The following DPY19L2 variants were observed in gnomAD, a reference collection of about 807,000 sequenced individuals.
The protein encoded by DPY19L2 is dpy-19 like 2.
In DPY19L2, 34 loss-of-function variants were observed where a neutral mutation model predicts 97.9. The observed-to-expected ratio is 0.35, with a 90% CI of 0.26 to 0.46. The LOEUF (loss-of-function observed/expected upper bound fraction) is 0.46. DPY19L2 is among the 20% of genes least tolerant of loss of function. DPY19L2 has a pLI of 1.00. For synonymous variants in DPY19L2, 230 were observed against 307.9 expected, an observed-to-expected ratio of 0.75 and a Z score of 2.65; for missense variants, 623 against 911.4, an observed-to-expected ratio of 0.68 and a Z score of 4.07.
intron 16 of DPY19L2, among the ~76,000 whole-genome samples, chr12:63,592,009 G>GGGAGT (rs1883094955): frequency 1.4e-4 from 1 of 7,124 alleles, no homozygotes; most frequent in Non-Finnish European, 3.3e-4. Flanking sequence ...GGGAAGGGAG[G>GGGAGT]GGAGGGGAGG....
intron 6 of DPY19L2, among the ~76,000 whole-genome samples, chr12:63,632,150 G>A (rs2137955349): frequency 6.6e-6 from 1 of 152,226 alleles, no homozygotes; most frequent in East Asian, 1.9e-4. Context: ...TTTGAAAACT[G>A]GCACAAGACA....
intron 14 of DPY19L2, among the ~76,000 whole-genome samples, chr12:63,597,478 T>C (rs1443834799): frequency 6.6e-6 from 1 of 151,998 alleles, no homozygotes; most frequent in Admixed American, 6.6e-5. Flanking sequence ...GAATTTAGAC[T>C]TTTTCCTGAA....
intron 16 of DPY19L2, among the ~76,000 whole-genome samples, 158 bp downstream of exon 16, chr12:63,593,929 G>T (rs1883642861): frequency 6.6e-6 from 1 of 151,994 alleles, no homozygotes; most frequent in African/African-American, 2.4e-5. Flanking sequence ...AAATCTGTAA[G>T]AATAATATTT....
At chr12:63,628,761 C>G (rs1592635280) in intron 6 of DPY19L2, among the ~76,000 whole-genome samples, 1 of 151,178 alleles carries the variant, frequency 6.6e-6, no homozygotes, top group Non-Finnish European at 1.5e-5. Context: ...AACAGACAGG[C>G]TGCCTGCTCA....
At chr12:63,562,780 G>T (rs1876836647) in intron 21 of DPY19L2, among the ~76,000 whole-genome samples, 1 of 146,176 alleles carries the variant, frequency 6.8e-6, no homozygotes, top group African/African-American at 2.5e-5. Flanking sequence ...GTGATTATTT[G>T]CCATCTGTCC....
chr12:63,582,505 C>G lies in DPY19L2; in HGVS notation c.1626G>C (p.Gln542His). The G allele has an allele frequency of 6.2e-7, 1 of 1,611,174 alleles. No homozygotes were observed. The highest frequency in any genetic ancestry group is 8.5e-7 in the Non-Finnish European group (1 of 1,178,984). Reference sequence around the variant, plus strand: ...TGGCAAGGGCAGTAAACACTAACAACTGCAATGTGTGAAAAGCCAGCTATA... The same window carrying G: ...TGGCAAGGGCAGTAAACACTAACAAGTGCAATGTGTGAAAAGCCAGCTATA... Reference protein sequence around the residue: ...EHSELAFHTLQLLVFTALAIL... With the variant: ...EHSELAFHTLHLLVFTALAIL... The change falls in exon 18 of 22, where the codon CAG (glutamine) becomes CAC (histidine). Residue 542 changes from glutamine (Q) to histidine (H), a missense_variant. Physicochemically the swap from Gln to His is conservative, Grantham distance 24. Around this residue, in one of 6 missense-constraint regions of DPY19L2, gnomAD observed 294 missense variants for 446.2 expected, o/e 0.66. Transcript: ENST00000324472.
chr12:63,650,410 C>A (rs1444089632), intron 4 of DPY19L2, among the ~76,000 whole-genome samples: 1 of 151,976 alleles, frequency 6.6e-6, no homozygotes, highest in Admixed American at 6.5e-5. Flanking sequence ...AATTTTATAC[C>A]TAGAAAGCCC....
In DPY19L2 at chr12:63,580,818, G is replaced by A. The variant is rs199875016; in HGVS notation, c.1744C>T (p.Arg582Cys). 17 of 1,611,572 alleles carry A rather than the reference G, an allele frequency of 1.1e-5. No individual in the cohort carries two copies. The highest frequency in any genetic ancestry group is 2.2e-5 in the East Asian group (1 of 44,842). ...CSRQLFGWLFRRVRFEKVIFG... is the reference protein window; with the variant it reads ...CSRQLFGWLFCRVRFEKVIFG... ...ATAACCTTCTCAAAACGAACTCTGC[G>A]AAAAAGCCAGCCAAAGAGCTGAAAC... Residue 582 changes from arginine (R) to cysteine (C), a missense_variant, in exon 19 of 22, where the codon CGC (arginine) becomes TGC (cysteine). Physicochemically the swap from Arg to Cys is radical, Grantham distance 180 (BLOSUM62 -3). Coordinates refer to ENST00000324472, the MANE Select transcript of DPY19L2 (RefSeq NM_173812.5).
chr12:63,584,594 C>T lies in DPY19L2; in HGVS notation c.1581-758G>A, dbSNP rs546373389. Among the ~76,000 whole-genome samples, 279 of 152,312 alleles carry T rather than the reference C, an allele frequency of 1.8e-3. 1 individual carries two copies. The highest frequency in any genetic ancestry group is 3.4e-3 in the Middle Eastern group (1 of 294). ...ATCCTACCTGGGATATGACTCACCC[C>T]TTTGTCCAGCATATCCATGCTCTAT... On this transcript the variant is annotated intron_variant, in intron 16 of 21. Coordinates refer to ENST00000324472, the MANE Select transcript of DPY19L2 (RefSeq NM_173812.5).
intron 11 of DPY19L2, among the ~76,000 whole-genome samples, chr12:63,615,519 CAAAG>C (rs1404079410): frequency 2.6e-5 from 4 of 152,228 alleles, no homozygotes; most frequent in Admixed American, 2.0e-4. Context: ...TACCATGAGA[CAAAG>C]GAACATGCTT....
chr12:63,635,411 A>T (rs1173383138), intron 6 of DPY19L2, among the ~76,000 whole-genome samples: 1 of 152,174 alleles, frequency 6.6e-6, no homozygotes. Context: ...CTTGCCAGCA[A>T]CAGAGCAAAG....
chr12:63,609,408 T>C (rs1416248833), intron 11 of DPY19L2, among the ~76,000 whole-genome samples: 5 of 152,098 alleles, frequency 3.3e-5, no homozygotes, highest in Non-Finnish European at 1.5e-5. Flanking sequence ...TGATAGTGTT[T>C]GGAGGGTGGG....
intron 15 of DPY19L2, among the ~76,000 whole-genome samples, chr12:63,595,157 T>C (rs1883997752): frequency 6.6e-6 from 1 of 152,196 alleles, no homozygotes. Context: ...ATAGAGAAGA[T>C]ATGCAATTTG....
chr12:63,588,759 T>G (rs1326430946), intron 16 of DPY19L2, among the ~76,000 whole-genome samples: 7 of 148,338 alleles, frequency 4.7e-5, no homozygotes, highest in Admixed American at 6.7e-5. Flanking sequence ...TTTTTTTTTT[T>G]TTTTTGTTTT....
intron 5 of DPY19L2, among the ~76,000 whole-genome samples, chr12:63,645,879 T>C (rs1893345336): frequency 6.6e-6 from 1 of 152,092 alleles, no homozygotes; most frequent in African/African-American, 2.4e-5. Flanking sequence ...TGTTTTAAAA[T>C]GGAACTCTGT....
chr12:63,604,769 G>C (rs1317298922), intron 12 of DPY19L2, among the ~76,000 whole-genome samples: 1 of 151,924 alleles, frequency 6.6e-6, no homozygotes, highest in Non-Finnish European at 1.5e-5. Flanking sequence ...ACTGCTCATT[G>C]AAGTGTTTTT....
intron 7 of DPY19L2, among the ~76,000 whole-genome samples, chr12:63,625,035 T>C (rs1399232872): frequency 2.0e-5 from 3 of 152,192 alleles, no homozygotes; most frequent in African/African-American, 7.2e-5. Flanking sequence ...AAGGATTTTA[T>C]GTATAATTTT....
intron 4 of DPY19L2, 30 bp downstream of exon 4, chr12:63,661,314 A>G (rs1190648924): frequency 3.9e-6 from 6 of 1,546,614 alleles, no homozygotes; most frequent in Non-Finnish European, 5.2e-6. Flanking sequence ...ATCACTCTAC[A>G]AATATTATTT....
At chr12:63,619,256 G>A (rs1565778379) in intron 9 of DPY19L2, among the ~76,000 whole-genome samples, 3 of 152,108 alleles carry the variant, frequency 2.0e-5, no homozygotes, top group Non-Finnish European at 4.4e-5. Context: ...GCCTGGGCAA[G>A]ATGGTGACAC....
Sources: allele counts gnomAD v4.1 joint callset (sites outside exome capture counted in the v4.1 genomes callset), GRCh38; gene constraint gnomAD v4.1.1; regional missense constraint gnomAD v4.1.1; transcripts MANE v1.5; gene names NCBI Gene and HGNC (gene_info 2026-07-23, HGNC 2026-07-21).